The following PCNX2 variants were observed in gnomAD, a reference collection of about 807,000 sequenced individuals.
The protein encoded by PCNX2 is pecanex 2.
Under a neutral mutation model 223.8 loss-of-function variants are expected in PCNX2, and 168 were observed. The observed-to-expected ratio is 0.75, with a 90% confidence interval of 0.66 to 0.85. The LOEUF (loss-of-function observed/expected upper bound fraction) is 0.85. PCNX2 is among the 40% of genes least tolerant of loss of function. PCNX2 has a pLI of 0.00. For synonymous variants in PCNX2, 1,006 were observed against 1,052.6 expected (o/e 0.96, Z 0.86); for missense variants, 2,507 against 2,675.5 (o/e 0.94, Z 1.39).
intron 33 of PCNX2, 170 bp downstream of exon 33, chr1:232,985,922 T>C: frequency 1.4e-6 from 1 of 736,306 alleles, no homozygotes; most frequent in East Asian, 2.7e-5. Context: ...CAAGAGCAGC[T>C]AAGCCACTTC....
upstream of PCNX2, chr1:233,295,761 C>G (rs1257937416): frequency 1.0e-4 from 34 of 327,432 alleles, no homozygotes; most frequent in Non-Finnish European, 1.1e-5. This position sits in a 1 kb window ranked among gnomAD's most constrained non-coding sequence, Gnocchi z 4.1. Context: ...GGCGGCTGCT[C>G]AGAGGTTGCT....
the PCNX2 span, among the ~76,000 whole-genome samples, chr1:233,324,423 ACT>A: frequency 6.6e-6 from 1 of 152,156 alleles, no homozygotes; most frequent in South Asian, 2.1e-4. Flanking sequence ...GGACAGGCTG[ACT>A]CTCTTGTTAA....
intron 17 of PCNX2, chr1:233,167,564 G>A: frequency 3.8e-6 from 1 of 264,970 alleles, no homozygotes; most frequent in Non-Finnish European, 5.8e-6. Flanking sequence ...AGCTGCTTTT[G>A]CCACAAAAAC....
At position 232,984,466 on chromosome 1, in the gene PCNX2, C is replaced by T. The variant is rs1300389271; in HGVS notation, c.6252G>A (p.Glu2084=). The change falls in exon 34 of 34, where the codon GAG becomes GAA. Residue 2084 remains glutamate, a synonymous_variant. Coordinates refer to ENST00000258229, the MANE Select transcript of PCNX2 (RefSeq NM_014801.4). ...AASQATRHLS[E]PCEPPDATEQ... ...CGGTGGCATCAGGGGGCTCACATGG[C>T]TCGGAGAGGTGCTTCCAAAGAGAAG... 6.2e-7 allele frequency: 1 copy of T among 1,612,550 alleles called. No homozygotes were observed. Among genetic ancestry groups the T allele is most frequent in the Admixed American group, 1.7e-5 (1 of 59,722 alleles).
At chr1:233,097,353 G>A (rs1674234565) in intron 21 of PCNX2, among the ~76,000 whole-genome samples, 1 of 151,078 alleles carries the variant, frequency 6.6e-6, no homozygotes, top group African/African-American at 2.4e-5. Context: ...AAAAAAAAAA[G>A]CAAAGAAATG....
intron 28 of PCNX2, among the ~76,000 whole-genome samples, 200 bp downstream of exon 28, chr1:233,014,465 T>C (rs1670578155): frequency 6.6e-6 from 1 of 152,164 alleles, no homozygotes; most frequent in Non-Finnish European, 1.5e-5. Flanking sequence ...GTGAATGATA[T>C]TTCCAAATTG....
intron 15 of PCNX2, among the ~76,000 whole-genome samples, chr1:233,196,335 A>G (rs1680730224): frequency 6.6e-6 from 1 of 152,122 alleles, no homozygotes; most frequent in Non-Finnish European, 1.5e-5. Context: ...TAAGACATAA[A>G]AAAAACCCAT....
At chr1:233,018,629 TG>T (rs1358112160) in intron 26 of PCNX2, 8 of 379,562 alleles carry the variant, frequency 2.1e-5, no homozygotes, top group Non-Finnish European at 2.5e-5. Context: ...AATCCAAGCC[TG>T]ATAGGCTTGG....
intron 13 of PCNX2, 117 bp from the exon 14 acceptor site, chr1:233,200,381 A>ATATT: frequency 7.0e-6 from 3 of 429,180 alleles, no homozygotes; most frequent in Admixed American, 4.6e-5. Flanking sequence ...ACTGGAGGCA[A>ATATT]TCTTTTTTTT....
At chr1:233,304,007 A>G in the PCNX2 span, among the ~76,000 whole-genome samples, 1 of 152,200 alleles carries the variant, frequency 6.6e-6, no homozygotes, top group Admixed American at 6.5e-5. Context: ...GGATTTAATC[A>G]TATCACGATT....
chr1:233,313,803 A>G, the PCNX2 span, among the ~76,000 whole-genome samples: 35,960 of 152,104 alleles, frequency 0.24, 5,311 homozygotes, highest in East Asian at 0.42. Context: ...AAAATGTGCA[A>G]TCTCACTCAC....
At chr1:233,281,503 G>C (rs539814022) in intron 1 of PCNX2, among the ~76,000 whole-genome samples, 1 of 152,260 alleles carries the variant, frequency 6.6e-6, no homozygotes, top group African/African-American at 2.4e-5. Context: ...CTTAATATCA[G>C]TCAGTAACAA....
chr1:233,271,944 C>T (rs904089285), intron 1 of PCNX2, among the ~76,000 whole-genome samples: 1 of 152,030 alleles, frequency 6.6e-6, no homozygotes, highest in Non-Finnish European at 1.5e-5. Context: ...TTAGTCTTGC[C>T]TTGGCTATGC....
At chr1:233,117,965 C>G (rs1368908926) in intron 21 of PCNX2, among the ~76,000 whole-genome samples, 1 of 148,740 alleles carries the variant, frequency 6.7e-6, no homozygotes, top group Admixed American at 6.7e-5. Flanking sequence ...AGCCGAGATC[C>G]CGCCACTGCA....
At chr1:233,114,714 G>C (rs563166488) in intron 21 of PCNX2, among the ~76,000 whole-genome samples, 1 of 152,194 alleles carries the variant, frequency 6.6e-6, no homozygotes, top group Non-Finnish European at 1.5e-5. Context: ...GGCGCATCCA[G>C]AAAGTCACAA....
intron 19 of PCNX2, among the ~76,000 whole-genome samples, chr1:233,148,990 T>C (rs1246881531): frequency 6.6e-6 from 1 of 152,254 alleles, no homozygotes; most frequent in African/African-American, 2.4e-5. Context: ...GGCTTGCCCA[T>C]GCAGCAGCAC....
intron 13 of PCNX2, among the ~76,000 whole-genome samples, chr1:233,204,076 T>C (rs1222749806): frequency 6.6e-6 from 1 of 152,226 alleles, no homozygotes; most frequent in East Asian, 1.9e-4. Context: ...TAACTCTAAA[T>C]GTGACCTTGT....
intron 1 of PCNX2, among the ~76,000 whole-genome samples, chr1:233,263,513 T>G (rs983634567): frequency 2.7e-5 from 4 of 150,010 alleles, no homozygotes; most frequent in African/African-American, 9.9e-5. Flanking sequence ...TTGAGTGCAG[T>G]GGCAAGATCT....
chr1:233,181,797 C>T (rs749795554), intron 15 of PCNX2, among the ~76,000 whole-genome samples: 1 of 152,148 alleles, frequency 6.6e-6, no homozygotes, highest in Non-Finnish European at 1.5e-5. Context: ...GCCTCTTTTA[C>T]AAGGACACTG....
Sources: gnomAD v4.1 joint callset for allele counts (sites outside exome capture counted in the v4.1 genomes callset) on GRCh38, gnomAD v4.1.1 for gene constraint, Gnocchi (gnomAD v3.1) non-coding constraint, MANE v1.5 for transcripts, NCBI Gene and HGNC (gene_info 2026-07-23, HGNC 2026-07-21) for gene names.